SGCZ: variants seen among roughly 807,000 people sequenced by gnomAD.
SGCZ encodes zeta-sarcoglycan.
Under a neutral mutation model 41.3 loss-of-function variants are expected in SGCZ, and 40 were observed. The observed-to-expected ratio is 0.97, with a 90% CI of 0.75 to 1.26. SGCZ has a LOEUF of 1.26. Ranked by LOEUF, SGCZ falls within the 50% of genes most tolerant of loss-of-function variation. The pLI is 0.00. For synonymous variants in SGCZ, 206 were observed against 137.5 expected (o/e 1.50, Z -3.49); for missense variants, 552 against 369.8 (o/e 1.49, Z -4.04).
At chr8:14,801,399 G>C (rs1252895829) in intron 1 of SGCZ, among the ~76,000 whole-genome samples, 1 of 152,142 alleles carries the variant, frequency 6.6e-6, no homozygotes, top group African/African-American at 2.4e-5. Context: ...ACTTATTTTA[G>C]AATATTTACA....
rs2116993620 is a variant in SGCZ, at chr8:14,168,514, T to C, written c.425-3812A>G. Among the ~76,000 whole-genome samples the C allele has an allele frequency of 2.0e-5, 3 of 152,212 alleles. No individual in the cohort carries two copies. The South Asian group carries it at 6.2e-4, about 32-fold the overall frequency. On this transcript the variant is annotated intron_variant, in intron 4 of 7. Transcript: ENST00000382080. ...TAAGTCTCATGAGATCTGATGGTTT[T>C]ATAAAGGGGAGTTTCCCTGCACAAG...
At chr8:14,259,746 A>T (rs1009567998) in intron 3 of SGCZ, among the ~76,000 whole-genome samples, 3 of 150,282 alleles carry the variant, frequency 2.0e-5, no homozygotes, top group African/African-American at 7.3e-5. Context: ...AGGTAGTGTG[A>T]TGCCTCCAGC....
chr8:14,341,672 A>G (rs1585384918), intron 2 of SGCZ, among the ~76,000 whole-genome samples: 1 of 152,118 alleles, frequency 6.6e-6, no homozygotes, highest in East Asian at 1.9e-4. Flanking sequence ...TATAGGAGGG[A>G]CCCAAGAGGA....
intron 1 of SGCZ, among the ~76,000 whole-genome samples, chr8:14,578,962 G>T (rs1804800791): frequency 6.6e-6 from 1 of 152,044 alleles, no homozygotes; most frequent in African/African-American, 2.4e-5. Context: ...ATCTAGGAAG[G>T]ATAAATTCTC....
intron 1 of SGCZ, among the ~76,000 whole-genome samples, chr8:14,647,107 C>T (rs1399334660): frequency 1.3e-5 from 2 of 151,934 alleles, no homozygotes; most frequent in African/African-American, 4.8e-5. Context: ...CTGCATACTC[C>T]AATCCCCCCA....
At chr8:14,707,853 T>C (rs1326615481) in intron 1 of SGCZ, among the ~76,000 whole-genome samples, 1 of 152,168 alleles carries the variant, frequency 6.6e-6, no homozygotes, top group Non-Finnish European at 1.5e-5. Context: ...AACTTCAGTT[T>C]GATTAACTCG....
intron 2 of SGCZ, among the ~76,000 whole-genome samples, chr8:14,501,129 T>C (rs564047141): frequency 6.6e-6 from 1 of 152,090 alleles, no homozygotes; most frequent in African/African-American, 2.4e-5. Context: ...CTTTTCCAGC[T>C]TCTAGAGACT....
chr8:15,199,755 A>C (rs1800838021), intron 1 of SGCZ, among the ~76,000 whole-genome samples: 1 of 152,216 alleles, frequency 6.6e-6, no homozygotes, highest in South Asian at 2.1e-4. Flanking sequence ...ATACTTCATT[A>C]GTTTCAGAAA....
intron 1 of SGCZ, among the ~76,000 whole-genome samples, chr8:15,038,780 A>T (rs1203130213): frequency 6.1e-5 from 9 of 148,248 alleles, no homozygotes; most frequent in Non-Finnish European, 1.3e-4. Flanking sequence ...TAACCTGATT[A>T]GAGAATGGGC....
intron 4 of SGCZ, among the ~76,000 whole-genome samples, chr8:14,207,658 T>C (rs1805662082): frequency 2.0e-5 from 3 of 152,136 alleles, no homozygotes. Flanking sequence ...TATTGTTAAA[T>C]GAAAACTAGA....
At chr8:14,458,747 G>A (rs1563342983) in intron 2 of SGCZ, among the ~76,000 whole-genome samples, 1 of 152,006 alleles carries the variant, frequency 6.6e-6, no homozygotes, top group Admixed American at 6.6e-5. Context: ...TCCCAGCTCT[G>A]TCTGCTAAAA....
chr8:15,000,979 A>G (rs997526074), intron 1 of SGCZ, among the ~76,000 whole-genome samples: 16 of 152,220 alleles, frequency 1.1e-4, no homozygotes, highest in African/African-American at 3.6e-4. Flanking sequence ...AAGACAACAT[A>G]GCCACTTCAC....
At chr8:14,234,079 T>C (rs1355269052) in intron 4 of SGCZ, among the ~76,000 whole-genome samples, 1 of 152,086 alleles carries the variant, frequency 6.6e-6, no homozygotes, top group Non-Finnish European at 1.5e-5. Flanking sequence ...GGATATTATT[T>C]GGTCAAATTC....
intron 1 of SGCZ, among the ~76,000 whole-genome samples, chr8:14,975,214 G>A (rs1013333842): frequency 6.6e-6 from 1 of 152,132 alleles, no homozygotes; most frequent in Non-Finnish European, 1.5e-5. Context: ...GCTGAGGCAG[G>A]AGAATCATTT....
chr8:15,154,637 A>G (rs1417478786), intron 1 of SGCZ, among the ~76,000 whole-genome samples: 4 of 152,248 alleles, frequency 2.6e-5, no homozygotes, highest in Non-Finnish European at 5.9e-5. Context: ...CAGGTGATCA[A>G]TATTTTGTAA....
At chr8:14,575,958 G>T (rs1374755584) in intron 1 of SGCZ, among the ~76,000 whole-genome samples, 2 of 137,334 alleles carry the variant, frequency 1.5e-5, no homozygotes, top group Non-Finnish European at 3.1e-5. Context: ...GAGAGAGAAA[G>T]AATTGAATTA....
chr8:14,983,497 A>G (rs1369509935), intron 1 of SGCZ, among the ~76,000 whole-genome samples: 1 of 152,032 alleles, frequency 6.6e-6, no homozygotes, highest in Non-Finnish European at 1.5e-5. Context: ...CTCCCACCTC[A>G]GCCTCCAGAG....
chr8:14,154,455 T>TG (rs1563157023), intron 5 of SGCZ, among the ~76,000 whole-genome samples: 1 of 152,206 alleles, frequency 6.6e-6, no homozygotes, highest in Non-Finnish European at 1.5e-5. Flanking sequence ...TATTTTGTTA[T>TG]GGGACCCTAA....
chr8:15,226,481 G>T (rs1191804043), intron 1 of SGCZ, among the ~76,000 whole-genome samples: 1 of 152,136 alleles, frequency 6.6e-6, no homozygotes, highest in African/African-American at 2.4e-5. Flanking sequence ...GTCATCATCA[G>T]CAGCAGCTAC....
Sources: allele counts gnomAD v4.1 joint callset (sites outside exome capture counted in the v4.1 genomes callset), GRCh38; gene constraint gnomAD v4.1.1; transcripts MANE v1.5; gene names NCBI Gene and HGNC (gene_info 2026-07-23, HGNC 2026-07-21).